The following BMP1 variants were observed in gnomAD, a reference collection of about 807,000 sequenced individuals.
BMP1 encodes bone morphogenetic protein 1.
BMP1 carries 63 observed loss-of-function variants against 116.8 expected under a neutral mutation model. The ratio of observed to expected loss-of-function variants is 0.54; its 90% CI spans 0.44 to 0.67. BMP1 has a LOEUF of 0.67. Ranked by LOEUF, BMP1 falls within the 30% of genes least tolerant of loss-of-function variation. The probability of loss-of-function intolerance (pLI) is 0.00; values close to 1 mark genes in which losing one functional copy is unlikely to be tolerated. For synonymous variants in BMP1, 536 were observed against 533.4 expected, an observed-to-expected ratio of 1.00 and a Z score of -0.07; for missense variants, 1,183 against 1,358.9, an observed-to-expected ratio of 0.87 and a Z score of 2.04.
chr8:22,202,495 CT>C (rs770892610), intron 16 of BMP1, among the ~76,000 whole-genome samples: 6 of 152,256 alleles, frequency 3.9e-5, no homozygotes, highest in Non-Finnish European at 7.3e-5. Flanking sequence ...CTTATAACCC[CT>C]GGGGATGGTC....
intron 15 of BMP1, chr8:22,198,833 C>A (rs898811899): frequency 2.9e-6 from 2 of 700,980 alleles, no homozygotes; most frequent in Non-Finnish European, 1.9e-6. Flanking sequence ...TGACCTCCTG[C>A]CCCCAACCCC....
At chr8:22,207,550 C>A in intron 18 of BMP1, 34 bp downstream of exon 18, 1 of 1,604,574 alleles carries the variant, frequency 6.2e-7, no homozygotes, top group Admixed American at 1.7e-5. Flanking sequence ...GTTCACTGAG[C>A]CTGGTCTCCA....
At chr8:22,182,169 T>C (rs1437290309) in intron 8 of BMP1, among the ~76,000 whole-genome samples, 3 of 152,230 alleles carry the variant, frequency 2.0e-5, no homozygotes, top group Non-Finnish European at 2.9e-5. Context: ...TCAATTCTAT[T>C]ATTGATTGCA....
chr8:22,173,625 C>G lies in BMP1; in HGVS notation c.172C>G (p.Leu58Val), dbSNP rs1386404824. Residue 58 changes from leucine (L) to valine (V), a missense_variant, in exon 2 of 20, where the codon CTG becomes GTG. Coordinates refer to ENST00000306385, the MANE Select transcript of BMP1 (RefSeq NM_006129.5). The stretch of plus-strand genomic sequence containing the variant: ...AGCTGCCTTTCTTGGGGACATTGCC[C>G]TGGACGAAGAGGACCTGAGGGCCTT... ...KAAAFLGDIALDEEDLRAFQV... is the reference protein window; with the variant it reads ...KAAAFLGDIAVDEEDLRAFQV... The G allele has an allele frequency of 6.2e-7, 1 of 1,613,026 alleles. No homozygotes were observed. The highest frequency in any genetic ancestry group is 8.5e-7 in the Non-Finnish European group (1 of 1,179,560).
intron 8 of BMP1, among the ~76,000 whole-genome samples, chr8:22,190,369 A>G (rs1230854720): frequency 6.6e-6 from 1 of 152,246 alleles, no homozygotes; most frequent in African/African-American, 2.4e-5. Context: ...TGTGGAGCTA[A>G]GCTGGGTAAG....
chr8:22,166,927 A>C (rs2131834155), intron 1 of BMP1, among the ~76,000 whole-genome samples: 1 of 152,212 alleles, frequency 6.6e-6, no homozygotes, highest in South Asian at 2.1e-4. Flanking sequence ...TGACCCTGCT[A>C]CTCATTATAG....
At chr8:22,176,434 C>G in intron 3 of BMP1, 99 bp from the exon 4 acceptor site, 2 of 1,554,238 alleles carry the variant, frequency 1.3e-6, no homozygotes, top group Non-Finnish European at 1.8e-6. Context: ...CATTCCTTTC[C>G]AGGCAGTCTG....
At chr8:22,198,994 G>A (rs370731993) in intron 15 of BMP1, 35 of 1,302,570 alleles carry the variant, frequency 2.7e-5, no homozygotes, top group Non-Finnish European at 3.3e-5. Context: ...GCTTACTCTC[G>A]TCTCTTCCTG....
chr8:22,208,464 C>A (rs78726271), intron 18 of BMP1, among the ~76,000 whole-genome samples: 2,069 of 152,286 alleles, frequency 0.014, 53 homozygotes, highest in African/African-American at 0.047. Context: ...CAGCATGAGC[C>A]CAAGCGGGAG....
At chr8:22,207,277 T>C in intron 17 of BMP1, 26 bp from the exon 18 acceptor site, 1 of 1,597,668 alleles carries the variant, frequency 6.3e-7, no homozygotes, top group South Asian at 1.1e-5. Context: ...AAATTTTTAA[T>C]CTGTGCTCCT....
intron 13 of BMP1, 86 bp from the exon 14 acceptor site, chr8:22,196,594 C>A: frequency 6.3e-7 from 1 of 1,586,918 alleles, no homozygotes; most frequent in Non-Finnish European, 8.6e-7. Context: ...TCCCCATCTT[C>A]TCCTTACTGC....
chr8:22,184,881 G>A (rs1316163202), intron 8 of BMP1, among the ~76,000 whole-genome samples: 1 of 152,246 alleles, frequency 6.6e-6, no homozygotes, highest in African/African-American at 2.4e-5. Flanking sequence ...GCCTGCTTTA[G>A]TGGATGGACT....
At chr8:22,198,831 T>C in intron 15 of BMP1, 1 of 688,610 alleles carries the variant, frequency 1.5e-6, no homozygotes, top group Non-Finnish European at 2.0e-6. Flanking sequence ...GTTGACCTCC[T>C]GCCCCCAACC....
intron 17 of BMP1, 35 bp downstream of exon 17, chr8:22,207,016 G>A: frequency 3.7e-6 from 6 of 1,610,574 alleles, no homozygotes; most frequent in Non-Finnish European, 5.1e-6. Flanking sequence ...TATGCGGTGT[G>A]GCTGCCCCCG....
At chr8:22,173,138 T>A (rs1828329878) in intron 1 of BMP1, among the ~76,000 whole-genome samples, 1 of 152,196 alleles carries the variant, frequency 6.6e-6, no homozygotes, top group Admixed American at 6.5e-5. Context: ...TGGACCACAG[T>A]AGTATGTTAA....
chr8:22,167,435 G>A (rs1336126453), intron 1 of BMP1, among the ~76,000 whole-genome samples: 1 of 152,218 alleles, frequency 6.6e-6, no homozygotes, highest in Non-Finnish European at 1.5e-5. Context: ...GCAGAGAAAA[G>A]TGATCACAGC....
intron 8 of BMP1, among the ~76,000 whole-genome samples, chr8:22,183,196 A>G (rs1376934869): frequency 6.6e-6 from 1 of 152,230 alleles, no homozygotes; most frequent in East Asian, 1.9e-4. Context: ...CAGGAGGATC[A>G]CTTGAGGCCA....
rs115017022 is a variant in BMP1 at position 22,188,871 on chromosome 8, C to T, written c.1078-3178C>T. On this transcript the variant is annotated intron_variant, in intron 8 of 19. Coordinates refer to ENST00000306385, the MANE Select transcript of BMP1 (RefSeq NM_006129.5). ...GGCTGCTTCTAAGGATGAAGGAAAG[C>T]GGGCGCTTGTCCTCAGCACAGCTGC... Among the ~76,000 whole-genome samples, 481 of 152,266 alleles carry T rather than the reference C, an allele frequency of 3.2e-3. 3 individuals carry two copies. The highest frequency in any genetic ancestry group is 0.011 in the African/African-American group (466 of 41,538).
chr8:22,187,932 G>C (rs1023162637), intron 8 of BMP1, among the ~76,000 whole-genome samples: 2 of 152,172 alleles, frequency 1.3e-5, no homozygotes, highest in African/African-American at 4.8e-5. Flanking sequence ...GGAACTGGTT[G>C]ATGGGCCTAA....
Sources: allele counts gnomAD v4.1 joint callset (sites outside exome capture counted in the v4.1 genomes callset), GRCh38; gene constraint gnomAD v4.1.1; transcripts MANE v1.5; gene names NCBI Gene and HGNC (gene_info 2026-07-23, HGNC 2026-07-21).